Variants in SSBP2 observed in about 807,000 individuals in gnomAD.
SSBP2 encodes the protein single stranded DNA binding protein 2.
In SSBP2, 17 loss-of-function variants were observed where a neutral mutation model predicts 61.8. That is an observed-to-expected ratio of 0.28 (90% CI 0.19 to 0.41). The LOEUF (loss-of-function observed/expected upper bound fraction) is 0.41, where lower values mean the gene tolerates loss of function less well. SSBP2 is among the 10% of genes least tolerant of loss of function. The probability of loss-of-function intolerance (pLI) is 1.00; values close to 1 mark genes in which losing one functional copy is unlikely to be tolerated. For missense variants in SSBP2, 310 were observed against 458.7 expected, an observed-to-expected ratio of 0.68 and a Z score of 2.96; for synonymous variants, 139 against 141.3, an observed-to-expected ratio of 0.98 and a Z score of 0.12.
chr5:81,459,674 T>C (rs1377342045), intron 10 of SSBP2, among the ~76,000 whole-genome samples: 3 of 152,238 alleles, frequency 2.0e-5, no homozygotes, highest in Non-Finnish European at 2.9e-5. Context: ...GCATTCTTTT[T>C]ATGGGCATTT....
intron 4 of SSBP2, among the ~76,000 whole-genome samples, chr5:81,587,163 C>T (rs73135620): frequency 0.052 from 7,882 of 152,094 alleles, 381 homozygotes; most frequent in African/African-American, 0.12. Flanking sequence ...TCTGTGAGTC[C>T]TTCTAGCAAA....
chr5:81,592,585 A>G (rs1295157857), intron 4 of SSBP2, among the ~76,000 whole-genome samples: 2 of 152,056 alleles, frequency 1.3e-5, no homozygotes, highest in Non-Finnish European at 2.9e-5. Context: ...AGTGGGAGGC[A>G]CCCCCTAGTA....
chr5:81,673,550 C>T (rs887841326), intron 1 of SSBP2, among the ~76,000 whole-genome samples: 2 of 151,858 alleles, frequency 1.3e-5, no homozygotes, highest in East Asian at 3.9e-4. Context: ...GTGTATTTGC[C>T]CTGCCAAAAG....
chr5:81,438,863 T>A (rs1220734022), intron 14 of SSBP2, among the ~76,000 whole-genome samples: 1 of 152,230 alleles, frequency 6.6e-6, no homozygotes, highest in Non-Finnish European at 1.5e-5. Flanking sequence ...TGGAAATGTT[T>A]CTCTGTGATG....
At chr5:81,592,056 G>A (rs948020722) in intron 4 of SSBP2, among the ~76,000 whole-genome samples, 6 of 152,218 alleles carry the variant, frequency 3.9e-5, no homozygotes, top group African/African-American at 7.2e-5. Context: ...CCTGGGAAGC[G>A]CAAGGGGTCA....
Position 81,418,155 on chromosome 5 carries a change from TA to T in SSBP2, c.*2348del, listed in dbSNP as rs1245250481. The T allele has an allele frequency of 6.6e-6, 1 of 152,258 alleles. No individual in the cohort carries two copies. The highest frequency in any genetic ancestry group is 1.5e-5 in the Non-Finnish European group (1 of 68,046). The allele number at this position is 152,258 out of a possible 1,614,324, so 9.4% of individuals were successfully genotyped here. A position where few individuals can be genotyped will look rare whatever the true frequency, so the allele number is the denominator to read the frequency against. On this transcript the variant is annotated 3_prime_UTR_variant, in exon 17 of 17. Transcript: ENST00000320672. Reference sequence around the variant, plus strand: ...ACTGTCAATTTTTATATGATTGTCATAAAATATGAAAGTCAAAATTCTTCTT... The same window carrying T: ...ACTGTCAATTTTTATATGATTGTCATAAATATGAAAGTCAAAATTCTTCTT...
intron 1 of SSBP2, among the ~76,000 whole-genome samples, chr5:81,741,408 C>T (rs917095713): frequency 7.2e-5 from 11 of 152,070 alleles, no homozygotes; most frequent in Non-Finnish European, 1.0e-4. Context: ...AGATGGAGAA[C>T]GGTGATGGCT....
At position 81,418,156 on chromosome 5, in the gene SSBP2, A is replaced by C. The variant is rs1456279083; in HGVS notation, c.*2348T>G. On this transcript the variant is annotated 3_prime_UTR_variant, in exon 17 of 17. Coordinates refer to ENST00000320672, the MANE Select transcript of SSBP2 (RefSeq NM_012446.5). ...CTGTCAATTTTTATATGATTGTCAT[A>C]AAATATGAAAGTCAAAATTCTTCTT... 1 of 152,248 alleles carries C rather than the reference A, an allele frequency of 6.6e-6. No individual in the cohort carries two copies. Among genetic ancestry groups the C allele is most frequent in the Non-Finnish European group, 1.5e-5 (1 of 68,044 alleles). 9.4% of individuals were successfully genotyped at this position (152,248 alleles called of 1,614,324 possible).
At chr5:81,494,687 T>A (rs1179372052) in intron 5 of SSBP2, among the ~76,000 whole-genome samples, 3 of 152,178 alleles carry the variant, frequency 2.0e-5, no homozygotes. Flanking sequence ...TTCTGTTGAT[T>A]AAACTTCCTC....
intron 4 of SSBP2, among the ~76,000 whole-genome samples, chr5:81,542,310 A>G (rs936572148): frequency 6.6e-5 from 10 of 152,184 alleles, no homozygotes; most frequent in Non-Finnish European, 1.0e-4. Flanking sequence ...ATACACTGTT[A>G]GTGGGAATGT....
chr5:81,426,056 G>A (rs1761933707), intron 16 of SSBP2, among the ~76,000 whole-genome samples: 2 of 152,162 alleles, frequency 1.3e-5, no homozygotes, highest in South Asian at 4.1e-4. Flanking sequence ...ATTGAACAAT[G>A]TTTTCTTTTT....
chr5:81,682,073 A>G (rs115369191), intron 1 of SSBP2, among the ~76,000 whole-genome samples: 2,277 of 152,302 alleles, frequency 0.015, 18 homozygotes, highest in Middle Eastern at 0.031. Flanking sequence ...AATAATTAAT[A>G]ATGTTCCAAA....
chr5:81,654,397 C>T (rs1276100308), intron 1 of SSBP2, among the ~76,000 whole-genome samples: 1 of 152,202 alleles, frequency 6.6e-6, no homozygotes, highest in African/African-American at 2.4e-5. Flanking sequence ...TCAGTTTTCT[C>T]ATGTGTCAAA....
intron 15 of SSBP2, among the ~76,000 whole-genome samples, chr5:81,434,170 T>G (rs1467087981): frequency 6.6e-6 from 1 of 152,200 alleles, no homozygotes; most frequent in African/African-American, 2.4e-5. Context: ...TTATTTATCT[T>G]ACATATAAAA....
chr5:81,418,041 A>G lies in SSBP2; in HGVS notation c.*2463T>C, dbSNP rs1761391128. Reference sequence around the variant, plus strand: ...ATAATACCTTCTCAGAAGGCGAAGAAAAGAATTTCAAGATCGGTAACAATG... The same window carrying G: ...ATAATACCTTCTCAGAAGGCGAAGAGAAGAATTTCAAGATCGGTAACAATG... On this transcript the variant is annotated 3_prime_UTR_variant, in exon 17 of 17. Transcript: ENST00000320672. 1 of 152,276 alleles carries G rather than the reference A, an allele frequency of 6.6e-6. No individual in the cohort carries two copies. The highest frequency in any genetic ancestry group is 6.5e-5 in the Admixed American group (1 of 15,290). The allele number at this position is 152,276 out of a possible 1,614,324, so 9.4% of individuals were successfully genotyped here. A position where few individuals can be genotyped will look rare whatever the true frequency, so the allele number is the denominator to read the frequency against.
At chr5:81,589,554 T>C (rs1316278582) in intron 4 of SSBP2, among the ~76,000 whole-genome samples, 3 of 152,364 alleles carry the variant, frequency 2.0e-5, no homozygotes, top group Non-Finnish European at 4.4e-5. Flanking sequence ...ATATCTCATC[T>C]GAGTCAGCAA....
intron 1 of SSBP2, among the ~76,000 whole-genome samples, chr5:81,685,459 G>A (rs1338026281): frequency 6.6e-6 from 1 of 151,822 alleles, no homozygotes; most frequent in Admixed American, 6.6e-5. Flanking sequence ...GATGTGTGGA[G>A]GGAAAGAAGG....
intron 4 of SSBP2, among the ~76,000 whole-genome samples, chr5:81,526,055 T>C (rs1321315559): frequency 6.6e-6 from 1 of 152,014 alleles, no homozygotes; most frequent in Admixed American, 6.6e-5. Context: ...AAATATCATA[T>C]CCCATATACG....
chr5:81,494,221 C>A (rs1767122014), intron 5 of SSBP2, among the ~76,000 whole-genome samples: 1 of 152,138 alleles, frequency 6.6e-6, no homozygotes, highest in Non-Finnish European at 1.5e-5. Context: ...TACTGAAGAT[C>A]AAGGCTATGC....
Sources: gnomAD v4.1 joint callset for allele counts (sites outside exome capture counted in the v4.1 genomes callset) on GRCh38, gnomAD v4.1.1 for gene constraint, MANE v1.5 for transcripts, NCBI Gene and HGNC (gene_info 2026-07-23, HGNC 2026-07-21) for gene names.